Variants in ZNF142 observed in about 807,000 individuals in gnomAD.
ZNF142 encodes zinc finger protein 142.
A neutral mutation model predicts 132.1 loss-of-function variants in ZNF142; 96 were observed. The observed-to-expected ratio is 0.73, with a 90% CI of 0.62 to 0.86. ZNF142 has a LOEUF of 0.86. Ranked by LOEUF, ZNF142 falls within the 40% of genes least tolerant of loss-of-function variation. The probability of loss-of-function intolerance (pLI) is 0.00; values close to 1 mark genes in which losing one functional copy is unlikely to be tolerated. For synonymous variants in ZNF142, 842 were observed against 890.1 expected, an observed-to-expected ratio of 0.95 and a Z score of 0.96; for missense variants, 2,163 against 2,336.2, an observed-to-expected ratio of 0.93 and a Z score of 1.53.
chr2:218,641,398 C>T (rs1697179424), intron 9 of ZNF142, among the ~76,000 whole-genome samples: 1 of 151,976 alleles, frequency 6.6e-6, no homozygotes, highest in Admixed American at 6.6e-5. Context: ...GTGCCCGCCA[C>T]CACACCCGGC....
chr2:218,638,806 G>T lies in ZNF142; in HGVS notation c.5197C>A (p.Leu1733Met). 1 of 1,593,616 alleles carries T rather than the reference G, an allele frequency of 6.3e-7. No individual in the cohort carries two copies. The highest frequency in any genetic ancestry group is 2.2e-5 in the East Asian group (1 of 44,684). ...LKYHMTKHTG[L>M]KPYQCPECEY... ...CACTCGGGACACTGGTATGGCTTCA[G>T]TCCTACAGGACAGGGAACAAATCAC... Residue 1733 changes from leucine to methionine, a missense_variant and splice_region_variant, in exon 11 of 11, where the codon CTG (leucine) becomes ATG (methionine). Physicochemically the swap from Leu to Met is conservative, Grantham distance 15. Transcript: ENST00000411696.
At chr2:218,653,802 G>A (rs768859993) in intron 4 of ZNF142, among the ~76,000 whole-genome samples, 2 of 151,970 alleles carry the variant, frequency 1.3e-5, no homozygotes, top group Non-Finnish European at 2.9e-5. Flanking sequence ...AAATCAAAAC[G>A]AAATTCTGCC....
chr2:218,648,944 A>G lies in ZNF142; in HGVS notation c.1564T>C (p.Ser522Pro), dbSNP rs1211235603. The G allele has an allele frequency of 6.2e-7, 1 of 1,613,014 alleles. No individual in the cohort carries two copies. The highest frequency in any genetic ancestry group is 8.5e-7 in the Non-Finnish European group (1 of 1,180,032). The change falls in exon 7 of 11, where the codon TCA becomes CCA. Residue 522 changes from serine (S) to proline (P), a missense_variant. Coordinates refer to ENST00000411696, the MANE Select transcript of ZNF142 (RefSeq NM_001379659.1). ...GVRAVECRHH[S>P]CPMLFATAEA... ...GCTGTGGCAAAGAGCATGGGACATG[A>G]GTGATGGCGGCACTCCACAGCCCGC...
intron 6 of ZNF142, 27 bp downstream of exon 6, chr2:218,650,332 G>A (rs1443029938): frequency 6.2e-7 from 1 of 1,613,684 alleles, no homozygotes; most frequent in South Asian, 1.1e-5. Context: ...CCACCACCAA[G>A]GGCTTCAAGC....
In ZNF142 at chr2:218,649,859, A is replaced by G. The variant is rs552337127; in HGVS notation, c.1049-400T>C. Among the ~76,000 whole-genome samples the G allele has an allele frequency of 2.0e-5, 3 of 152,360 alleles. No individual in the cohort carries two copies. In the South Asian group the frequency reaches 6.2e-4, roughly 32 times the overall value. ...AAGGGGGTGAGCCAAAAGAAGGTAC[A>G]GTACTCTTACTGGCTCACAGGCTCT... On this transcript the variant is annotated intron_variant, in intron 6 of 10. Coordinates refer to ENST00000411696, the MANE Select transcript of ZNF142 (RefSeq NM_001379659.1).
At chr2:218,655,004 G>C (rs898626392) in intron 4 of ZNF142, among the ~76,000 whole-genome samples, 1 of 152,118 alleles carries the variant, frequency 6.6e-6, no homozygotes, top group Non-Finnish European at 1.5e-5. Flanking sequence ...CAAGAGGATT[G>C]CTTAAGCCCA....
chr2:218,642,854 C>G lies in ZNF142; in HGVS notation c.4262G>C (p.Arg1421Pro), dbSNP rs771475326. Residue 1421 changes from arginine to proline, a missense_variant, in exon 9 of 11, where the codon CGA (arginine) becomes CCA (proline). Arg to Pro is a moderately radical substitution (Grantham distance 103). This residue lies in a region of ZNF142 where 809 missense variants were observed against 801.7 expected (regional missense o/e 1.01). Coordinates refer to ENST00000411696, the MANE Select transcript of ZNF142 (RefSeq NM_001379659.1). The surrounding 1 kb of genome is among the most constrained non-coding windows in gnomAD (Gnocchi z 4.6). ...RRYRLEAHQSRHTGIGRIPCS... is the reference protein window; with the variant it reads ...RRYRLEAHQSPHTGIGRIPCS... ...GGGGATGCGGCCAATGCCTGTGTGT[C>G]GGGACTGGTGAGCCTCTAACCGGTA... is the stretch of plus-strand genomic sequence containing the variant. 1 of 1,614,016 alleles carries G rather than the reference C, an allele frequency of 6.2e-7. No individual in the cohort carries two copies. The highest frequency in any genetic ancestry group is 8.5e-7 in the Non-Finnish European group (1 of 1,180,036).
At chr2:218,653,954 G>A (rs1034227587) in intron 4 of ZNF142, among the ~76,000 whole-genome samples, 2 of 152,214 alleles carry the variant, frequency 1.3e-5, no homozygotes, top group African/African-American at 2.4e-5. Context: ...CTGGGCTCAA[G>A]TGATTCTCCC....
Position 218,633,798 on chromosome 2 carries a change from G to C in ZNF142, c.*4541C>G, listed in dbSNP as rs1169465545. 9 of 1,609,440 alleles carry C rather than the reference G, an allele frequency of 5.6e-6. No homozygotes were observed. The highest frequency in any genetic ancestry group is 5.9e-6 in the Non-Finnish European group (7 of 1,177,318). On this transcript the variant is annotated 3_prime_UTR_variant, in exon 11 of 11. Coordinates refer to ENST00000411696, the MANE Select transcript of ZNF142 (RefSeq NM_001379659.1). ...AATGGAGGGATGGGGAGGGAAGTGG[G>C]ATGGATAGGTTCAGGCCTGATGGAC...
Position 218,638,584 on chromosome 2 carries a change from C to A in ZNF142, c.5419G>T (p.Gly1807Cys). The change falls in exon 11 of 11, where the codon GGC becomes TGC. Residue 1807 changes from glycine to cysteine, a missense_variant. Coordinates refer to ENST00000411696, the MANE Select transcript of ZNF142 (RefSeq NM_001379659.1). ...VCHRAFRWAA[G>C]LRHHALTHTD... Reference sequence around the variant, plus strand: ...TGGGTGAGGGCATGATGGCGCAGGCCAGCAGCCCAGCGGAAAGCACGGTGG... The same window carrying A: ...TGGGTGAGGGCATGATGGCGCAGGCAAGCAGCCCAGCGGAAAGCACGGTGG... 1 of 1,612,530 alleles carries A rather than the reference C, an allele frequency of 6.2e-7. No individual in the cohort carries two copies. The highest frequency in any genetic ancestry group is 8.5e-7 in the Non-Finnish European group (1 of 1,178,732).
chr2:218,651,392 A>G (rs186282059), intron 5 of ZNF142, among the ~76,000 whole-genome samples: 1 of 152,332 alleles, frequency 6.6e-6, no homozygotes, highest in African/African-American at 2.4e-5. Context: ...AATGATGGTC[A>G]TTTTCACTTT....
At chr2:218,639,316 C>G (rs544770076) in intron 10 of ZNF142, among the ~76,000 whole-genome samples, 1 of 152,272 alleles carries the variant, frequency 6.6e-6, no homozygotes, top group East Asian at 1.9e-4. Context: ...CCTTGTACAT[C>G]AACAAGAACT....
chr2:218,641,718 T>C (rs1697211186), intron 9 of ZNF142, among the ~76,000 whole-genome samples: 1 of 152,080 alleles, frequency 6.6e-6, no homozygotes, highest in African/African-American at 2.4e-5. Flanking sequence ...TAAGAAAAAG[T>C]TTTTGTAATG....
chr2:218,656,505 TCTTA>T, intron 3 of ZNF142, 42 bp from the exon 4 acceptor site: 1 of 1,385,320 alleles, frequency 7.2e-7, no homozygotes. Flanking sequence ...AGGTTAGAGT[TCTTA>T]CTTTCTTCCT....
rs747507946 is a variant in ZNF142 at position 218,644,584 on chromosome 2, AG to A, written c.2531del (p.Pro844LeufsTer16). ...SARPEGPGHE[P>X]GTVVDPSLDQ... ...CCAAGCTGGGGTCCACCACAGTCCC[AG>A]GTTCGTGACCTGGCCCCTCAGGTCG... On this transcript the variant is annotated frameshift_variant, in exon 9 of 11. Transcript: ENST00000411696. LOFTEE classifies it high-confidence loss of function. The surrounding 1 kb of genome is among the most constrained non-coding windows in gnomAD (Gnocchi z 4.6). The A allele has an allele frequency of 3.1e-6, 5 of 1,614,132 alleles. No individual in the cohort carries two copies. Among genetic ancestry groups the A allele is most frequent in the South Asian group, 1.1e-5 (1 of 91,082 alleles).
intron 4 of ZNF142, among the ~76,000 whole-genome samples, chr2:218,653,276 C>CAA (rs60913477): frequency 7.1e-6 from 1 of 141,432 alleles, no homozygotes; most frequent in Non-Finnish European, 1.5e-5. Context: ...GACTCTGTCT[C>CAA]AAAAAAAAAA....
At position 218,643,416 on chromosome 2, in the gene ZNF142, G is replaced by A; in HGVS notation, c.3700C>T (p.Leu1234Phe). The change falls in exon 9 of 11, where the codon CTT becomes TTT. Residue 1234 changes from leucine (L) to phenylalanine (F), a missense_variant. Physicochemically the swap from Leu to Phe is conservative, Grantham distance 22. Transcript: ENST00000411696. Reference sequence around the variant, plus strand: ...GTAATAGAGGAGAGCCGGGAACAAAGGAATGGGCAGGAGTTGCAGTGAAAC... The same window carrying A: ...GTAATAGAGGAGAGCCGGGAACAAAAGAATGGGCAGGAGTTGCAGTGAAAC... Reference protein sequence around the residue: ...GKFHCNSCPFLCSRLSSITSH... With the variant: ...GKFHCNSCPFFCSRLSSITSH... The A allele has an allele frequency of 1.2e-6, 2 of 1,614,218 alleles. No homozygotes were observed. Among genetic ancestry groups the A allele is most frequent in the African/African-American group, 1.3e-5 (1 of 75,056 alleles).
intron 10 of ZNF142, among the ~76,000 whole-genome samples, chr2:218,639,929 G>A (rs1236719858): frequency 4.6e-5 from 7 of 150,630 alleles, no homozygotes; most frequent in Admixed American, 1.3e-4. Context: ...GGTGGCGGGT[G>A]CCTGTAGTCC....
intron 3 of ZNF142, among the ~76,000 whole-genome samples, 161 bp from the exon 4 acceptor site, chr2:218,656,624 A>G (rs1938532028): frequency 6.6e-6 from 1 of 152,316 alleles, no homozygotes; most frequent in Non-Finnish European, 1.5e-5. Context: ...TTCTTTTATG[A>G]TAATGTTCAG....
Sources: allele counts gnomAD v4.1 joint callset (sites outside exome capture counted in the v4.1 genomes callset), GRCh38; gene constraint gnomAD v4.1.1; regional missense constraint gnomAD v4.1.1; non-coding constraint Gnocchi (gnomAD v3.1); transcripts MANE v1.5; gene names NCBI Gene and HGNC (gene_info 2026-07-23, HGNC 2026-07-21).